Variants in NIPAL2 observed in about 807,000 individuals in gnomAD.
NIPAL2 encodes the protein NIPA-like protein 2.
A neutral mutation model predicts 48.9 loss-of-function variants in NIPAL2; 43 were observed. That is an observed-to-expected ratio of 0.88 (90% confidence interval 0.69 to 1.13). The LOEUF (loss-of-function observed/expected upper bound fraction) is 1.13, where lower values mean the gene tolerates loss of function less well. NIPAL2 is among the 50% of genes most tolerant of loss of function. The pLI, the probability that NIPAL2 is intolerant of heterozygous loss-of-function variation, is 0.00. For missense variants in NIPAL2, 446 were observed against 461.4 expected (o/e 0.97, Z 0.31); for synonymous variants, 167 against 174.6 (o/e 0.96, Z 0.34).
At chr8:98,204,535 G>A (rs1157353269) in intron 7 of NIPAL2, among the ~76,000 whole-genome samples, 2 of 152,070 alleles carry the variant, frequency 1.3e-5, no homozygotes, top group Admixed American at 1.3e-4. Context: ...GGGCAGGGAA[G>A]AGCAGAAATT....
At position 98,194,359 on chromosome 8, in the gene NIPAL2, G is replaced by C. The variant is rs368599168; in HGVS notation, c.1039+369C>G. On this transcript the variant is annotated intron_variant, in intron 10 of 10. Coordinates refer to ENST00000430223, the MANE Select transcript of NIPAL2 (RefSeq NM_001321635.2). ...GGCTTCCCCCAAGACATGCTCCTTA[G>C]CTGCCTACCCTTTGTCCTTGGATGT... Among the ~76,000 whole-genome samples the C allele has an allele frequency of 3.3e-4, 50 of 152,228 alleles. No homozygotes were observed. In the East Asian group the frequency reaches 9.7e-3, roughly 29 times the overall value.
intron 8 of NIPAL2, among the ~76,000 whole-genome samples, chr8:98,197,923 T>G (rs73283712): frequency 0.038 from 5,743 of 152,272 alleles, 346 homozygotes; most frequent in African/African-American, 0.13. Context: ...CAAACTCCTG[T>G]TAATGTGCAT....
At chr8:98,214,573 T>TA (rs1811482450) in intron 5 of NIPAL2, among the ~76,000 whole-genome samples, 1 of 152,114 alleles carries the variant, frequency 6.6e-6, no homozygotes, top group South Asian at 2.1e-4. Context: ...CTTTTTTTTT[T>TA]AACCACAGGA....
At chr8:98,200,797 T>C (rs552020949) in intron 8 of NIPAL2, among the ~76,000 whole-genome samples, 10 of 152,360 alleles carry the variant, frequency 6.6e-5, no homozygotes, top group African/African-American at 2.4e-4. Flanking sequence ...TGTTTTTTCT[T>C]GTTAATAGCA....
intron 8 of NIPAL2, among the ~76,000 whole-genome samples, chr8:98,202,828 A>G (rs985182280): frequency 6.6e-6 from 1 of 152,244 alleles, no homozygotes; most frequent in Non-Finnish European, 1.5e-5. Flanking sequence ...TAAATTTGCA[A>G]GGAAACTCAT....
intron 4 of NIPAL2, among the ~76,000 whole-genome samples, chr8:98,227,973 A>G (rs935374416): frequency 3.3e-5 from 5 of 152,192 alleles, no homozygotes; most frequent in African/African-American, 1.2e-4. Flanking sequence ...GCTGGTCTAA[A>G]TGCTCCCTCT....
At position 98,294,219 on chromosome 8, in the gene NIPAL2, G is replaced by T. The variant is rs2130934956; in HGVS notation, c.-82C>A. 1 of 1,199,054 alleles carries T rather than the reference G, an allele frequency of 8.3e-7. No homozygotes were observed. Among genetic ancestry groups the T allele is most frequent in the African/African-American group, 1.6e-5 (1 of 62,696 alleles). The allele number at this position is 1,199,054 out of a possible 1,614,324, so 74.3% of individuals were successfully genotyped here. A position where few individuals can be genotyped will look rare whatever the true frequency, so the allele number is the denominator to read the frequency against. The stretch of plus-strand genomic sequence containing the variant: ...TGTTGCACCGCGAGGAGGCCGCGCC[G>T]CAGCCACTTCCTGCTCGGTGCCCGG... On this transcript the variant is annotated 5_prime_UTR_variant, in exon 1 of 11. Transcript: ENST00000430223.
In NIPAL2 at chr8:98,194,728, C is replaced by T; in HGVS notation, c.1039G>A (p.Gly347Arg). The T allele has an allele frequency of 1.3e-6, 2 of 1,521,254 alleles. No individual in the cohort carries two copies. The highest frequency in any genetic ancestry group is 1.8e-6 in the Non-Finnish European group (2 of 1,129,382). The allele number at this position is 1,521,254 out of a possible 1,614,324, so 94.2% of individuals were successfully genotyped here. A position where few individuals can be genotyped will look rare whatever the true frequency, so the allele number is the denominator to read the frequency against. The change falls in exon 10 of 11, where the codon GGG becomes AGG. Residue 347 changes from glycine (G) to arginine (R), a missense_variant and splice_region_variant. Physicochemically the swap from Gly to Arg is moderately radical, Grantham distance 125 (BLOSUM62 -2). Transcript: ENST00000430223. Reference protein sequence around the residue: ...QSYIDFGNIPGKQMLDKIQPD... With the variant: ...QSYIDFGNIPRKQMLDKIQPD... Reference sequence around the variant, plus strand: ...CACTATAAAGAATATATGATTTTACCAGGAATATTTCCAAAATCAATATAA... The same window carrying T: ...CACTATAAAGAATATATGATTTTACTAGGAATATTTCCAAAATCAATATAA...
At chr8:98,229,668 A>C (rs1812344531) in intron 4 of NIPAL2, among the ~76,000 whole-genome samples, 1 of 152,222 alleles carries the variant, frequency 6.6e-6, no homozygotes, top group African/African-American at 2.4e-5. Context: ...GTGAGCCACT[A>C]TGCCCAGCCA....
chr8:98,256,769 C>A (rs1381699021), intron 1 of NIPAL2, among the ~76,000 whole-genome samples: 3 of 152,120 alleles, frequency 2.0e-5, no homozygotes, highest in Admixed American at 2.0e-4. Flanking sequence ...CACAGGATTA[C>A]CATATGGTCT....
chr8:98,237,818 G>A lies in NIPAL2; in HGVS notation c.377-1604C>T, dbSNP rs191001814. Among the ~76,000 whole-genome samples, 179 of 152,176 alleles carry A rather than the reference G, an allele frequency of 1.2e-3. 1 individual carries two copies. The highest frequency in any genetic ancestry group is 6.3e-4 in the Non-Finnish European group (43 of 68,020). On this transcript the variant is annotated intron_variant, in intron 3 of 10. Coordinates refer to ENST00000430223, the MANE Select transcript of NIPAL2 (RefSeq NM_001321635.2). ...GATTCCCCTGGGCTGAGCTGATCCC[G>A]CCACCCTTATGCTCTGATTACCCCT... is the stretch of plus-strand genomic sequence containing the variant.
chr8:98,224,835 T>C (rs1402083626), intron 4 of NIPAL2, among the ~76,000 whole-genome samples: 2 of 149,220 alleles, frequency 1.3e-5, no homozygotes, highest in African/African-American at 2.4e-5. Context: ...CTCAGCTTAC[T>C]GCAACCTCCG....
chr8:98,286,852 C>T (rs978846207), intron 1 of NIPAL2, among the ~76,000 whole-genome samples: 7 of 148,280 alleles, frequency 4.7e-5, no homozygotes, highest in African/African-American at 7.4e-5. Flanking sequence ...CAAACAAACA[C>T]GTTGAGACTG....
chr8:98,288,130 A>G (rs1351433613), intron 1 of NIPAL2, among the ~76,000 whole-genome samples: 5 of 151,780 alleles, frequency 3.3e-5, no homozygotes, highest in African/African-American at 4.8e-5. Flanking sequence ...ATGCTGGTGC[A>G]CTGCACCCAC....
intron 6 of NIPAL2, among the ~76,000 whole-genome samples, chr8:98,206,513 G>A (rs145888647): frequency 0.017 from 2,530 of 152,086 alleles, 42 homozygotes; most frequent in South Asian, 0.062. Context: ...TTGGCCGGGC[G>A]CGGTGGCTCA....
chr8:98,230,671 T>C (rs1254396381), intron 4 of NIPAL2, among the ~76,000 whole-genome samples: 15 of 152,212 alleles, frequency 9.9e-5, no homozygotes, highest in Non-Finnish European at 2.9e-5. Context: ...AGGCTACTAG[T>C]GTTCTGTTGC....
intron 6 of NIPAL2, among the ~76,000 whole-genome samples, chr8:98,209,351 G>A (rs910811195): frequency 6.8e-6 from 1 of 147,304 alleles, no homozygotes; most frequent in African/African-American, 2.5e-5. Flanking sequence ...GCCCATGCCT[G>A]TAATCCTAGC....
chr8:98,197,360 T>G (rs1810597970), intron 8 of NIPAL2, among the ~76,000 whole-genome samples: 1 of 152,254 alleles, frequency 6.6e-6, no homozygotes, highest in Non-Finnish European at 1.5e-5. Flanking sequence ...CATCTGAGCT[T>G]GCAGTGAGTC....
intron 1 of NIPAL2, among the ~76,000 whole-genome samples, chr8:98,288,828 C>A (rs540150562): frequency 6.6e-6 from 1 of 152,138 alleles, no homozygotes; most frequent in Admixed American, 6.5e-5. Context: ...AATTGTCATA[C>A]GGGAAATATC....
Sources: gnomAD v4.1 joint callset for allele counts (sites outside exome capture counted in the v4.1 genomes callset) on GRCh38, gnomAD v4.1.1 for gene constraint, MANE v1.5 for transcripts, NCBI Gene and HGNC (gene_info 2026-07-23, HGNC 2026-07-21) for gene names.